SFI1: variants seen among roughly 807,000 people sequenced by gnomAD.
The protein encoded by SFI1 is protein SFI1 homolog.
A neutral mutation model predicts 207.5 loss-of-function variants in SFI1; 195 were observed. The ratio of observed to expected loss-of-function variants is 0.94; its 90% CI spans 0.84 to 1.06. The LOEUF (loss-of-function observed/expected upper bound fraction) is 1.06, where lower values mean the gene tolerates loss of function less well. SFI1 is among the 50% of genes least tolerant of loss of function. SFI1 has a pLI of 0.00. For synonymous variants in SFI1, 630 were observed against 598.9 expected (o/e 1.05, Z -0.76); for missense variants, 1,634 against 1,588.0 (o/e 1.03, Z -0.49).
In SFI1 at chr22:31,555,170, T is replaced by C. The variant is rs984912449; in HGVS notation, c.545-1772T>C. On this transcript the variant is annotated intron_variant, in intron 6 of 32. Coordinates refer to ENST00000400288, the MANE Select transcript of SFI1 (RefSeq NM_001007467.3). ...TAGTTACAGTGAATCTAGCTAGATA[T>C]TATGGAATAGAAGGAAAAAGTCACT... 3.3e-5 allele frequency among the ~76,000 whole-genome samples: 5 copies of C among 152,290 alleles called. No homozygotes were observed. The East Asian group carries it at 5.8e-4, about 18-fold the overall frequency.
At chr22:31,510,509 C>T (rs1442893148) in intron 2 of SFI1, among the ~76,000 whole-genome samples, 1 of 152,104 alleles carries the variant, frequency 6.6e-6, no homozygotes, top group Non-Finnish European at 1.5e-5. Context: ...TCTCAGCTCA[C>T]TGCAACCTCT....
At chr22:31,587,049 C>T (rs909535259) in intron 14 of SFI1, among the ~76,000 whole-genome samples, 1 of 152,122 alleles carries the variant, frequency 6.6e-6, no homozygotes, top group Non-Finnish European at 1.5e-5. Context: ...ATACAGTCAG[C>T]CCTCTGTATC....
rs796763335 is a variant in SFI1, at chr22:31,530,203, A to T, written c.267-855A>T. Among the ~76,000 whole-genome samples, 620 of 127,756 alleles carry T rather than the reference A, an allele frequency of 4.9e-3. 4 individuals carry two copies. The highest frequency in any genetic ancestry group is 0.029 in the Middle Eastern group (7 of 240). The allele number at this position is 127,756 out of a possible 152,430, so 83.8% of individuals were successfully genotyped here. A position where few individuals can be genotyped will look rare whatever the true frequency, so the allele number is the denominator to read the frequency against. ...AAAAAAAAAAAAAAAAAAAAAAAAA[A>T]GACAAGGCCGGGCGCGGTGGCTCAC... On this transcript the variant is annotated intron_variant, in intron 3 of 32. Transcript: ENST00000400288.
intron 18 of SFI1, among the ~76,000 whole-genome samples, chr22:31,604,035 C>T (rs781653612): frequency 2.0e-5 from 3 of 152,330 alleles, no homozygotes; most frequent in Non-Finnish European, 4.4e-5. Context: ...TTTGAACTTA[C>T]TGCATCTAAA....
rs1200280709 is a variant in SFI1, at chr22:31,613,155, G to A, written c.2504G>A (p.Arg835Lys). The change falls in exon 25 of 33, where the codon AGG becomes AAG. Residue 835 changes from arginine (R) to lysine (K), a missense_variant. Coordinates refer to ENST00000400288, the MANE Select transcript of SFI1 (RefSeq NM_001007467.3). The stretch of plus-strand genomic sequence containing the variant: ...TTCTGGCCCTAGCTGGCAGCCAGGA[G>A]GCAGGAGCAGCGGGCGACAGTGCGG... ...RQWRQQLAAR[R>K]QEQRATVRAL... 1 of 1,613,616 alleles carries A rather than the reference G, an allele frequency of 6.2e-7. No individual in the cohort carries two copies. The highest frequency in any genetic ancestry group is 8.5e-7 in the Non-Finnish European group (1 of 1,179,998).
At chr22:31,547,077 GT>G in intron 5 of SFI1, 106 bp downstream of exon 5, 1 of 818,780 alleles carries the variant, frequency 1.2e-6, no homozygotes, top group Non-Finnish European at 1.9e-6. Flanking sequence ...GTCACTTTTG[GT>G]TTTTCTTCAA....
At chr22:31,571,961 TAG>T (rs1197126612) in intron 8 of SFI1, among the ~76,000 whole-genome samples, 2 of 152,006 alleles carry the variant, frequency 1.3e-5, no homozygotes, top group Non-Finnish European at 2.9e-5. Context: ...CAAAAATCTA[TAG>T]AGAGTGAAAA....
intron 8 of SFI1, among the ~76,000 whole-genome samples, chr22:31,563,973 T>C (rs1490364013): frequency 6.6e-6 from 1 of 152,020 alleles, no homozygotes; most frequent in Non-Finnish European, 1.5e-5. Flanking sequence ...AATTTAAAAT[T>C]TAAAATTAAA....
intron 2 of SFI1, among the ~76,000 whole-genome samples, chr22:31,525,336 G>T (rs2147202741): frequency 6.6e-6 from 1 of 152,204 alleles, no homozygotes; most frequent in Non-Finnish European, 1.5e-5. Context: ...GAGAGGTGGG[G>T]AGTCTAGTTT....
At position 31,617,019 on chromosome 22, in the gene SFI1, T is replaced by C; in HGVS notation, c.3453T>C (p.Ala1151=). ...LSTAGSLDLE[A]ELEEIQQQLL... ...CCATAGGCAGCCTGGACCTTGAGGC[T>C]GAACTTGAGGAGATCCAGCAGCAAC... Residue 1151 remains alanine, a synonymous_variant, in exon 31 of 33, where the codon GCT becomes GCC. Transcript: ENST00000400288. 2 of 1,614,068 alleles carry C rather than the reference T, an allele frequency of 1.2e-6. No individual in the cohort carries two copies. The highest frequency in any genetic ancestry group is 1.7e-6 in the Non-Finnish European group (2 of 1,180,010).
At chr22:31,557,596 GCTTA>G (rs1359990519) in intron 7 of SFI1, among the ~76,000 whole-genome samples, 1 of 152,138 alleles carries the variant, frequency 6.6e-6, no homozygotes, top group African/African-American at 2.4e-5. Context: ...TGAATTGAGT[GCTTA>G]CTGTGTTCTA....
intron 14 of SFI1, among the ~76,000 whole-genome samples, chr22:31,586,603 C>T (rs2065057752): frequency 6.6e-6 from 1 of 152,210 alleles, no homozygotes; most frequent in Non-Finnish European, 1.5e-5. Context: ...GATTATGTTA[C>T]TGGCTTTGAA....
chr22:31,616,574 C>T (rs528936699), intron 29 of SFI1, 171 bp from the exon 30 acceptor site: 18 of 641,548 alleles, frequency 2.8e-5, no homozygotes, highest in Non-Finnish European at 4.7e-5. Context: ...TGTGCAGGGG[C>T]AGGCTAGACA....
chr22:31,614,876 C>T lies in SFI1; in HGVS notation c.3068+16C>T. 2 of 1,612,830 alleles carry T rather than the reference C, an allele frequency of 1.2e-6. No individual in the cohort carries two copies. The highest frequency in any genetic ancestry group is 8.5e-7 in the Non-Finnish European group (1 of 1,179,680). ...AGAGCCAGAGGTCCCTGGGGTGCAGCACCGTGGGCAGGCAGGGGGAGATGG... is the reference window on the plus strand; with the variant it reads ...AGAGCCAGAGGTCCCTGGGGTGCAGTACCGTGGGCAGGCAGGGGGAGATGG... On this transcript the variant is annotated intron_variant, in intron 28 of 32. Coordinates refer to ENST00000400288, the MANE Select transcript of SFI1 (RefSeq NM_001007467.3).
chr22:31,500,171 C>T lies in SFI1; in HGVS notation c.-31+3534C>T, dbSNP rs2053487614. 2.7e-5 allele frequency among the ~76,000 whole-genome samples: 4 copies of T among 149,390 alleles called. No individual in the cohort carries two copies. In the South Asian group the frequency reaches 6.3e-4, roughly 24 times the overall value. On this transcript the variant is annotated intron_variant, in intron 1 of 32. Coordinates refer to ENST00000400288, the MANE Select transcript of SFI1 (RefSeq NM_001007467.3). Reference sequence around the variant, plus strand: ...CTGACTCTACTAAGAATATAAAAGCCAGTTGTGGTGGCGGGCACCTGTAAT... The same window carrying T: ...CTGACTCTACTAAGAATATAAAAGCTAGTTGTGGTGGCGGGCACCTGTAAT...
chr22:31,545,279 C>T (rs562718480), intron 4 of SFI1, among the ~76,000 whole-genome samples: 14 of 152,048 alleles, frequency 9.2e-5, no homozygotes, highest in African/African-American at 2.9e-4. Flanking sequence ...TCAGGGAAAT[C>T]GCTTGAAGCC....
rs745566257 is a variant in SFI1 at position 31,618,163 on chromosome 22, C to CAGAG, written c.3564_3567dup (p.Glu1190ArgfsTer6). 1 of 1,592,888 alleles carries CAGAG rather than the reference C, an allele frequency of 6.3e-7. No individual in the cohort carries two copies. The highest frequency in any genetic ancestry group is 8.5e-7 in the Non-Finnish European group (1 of 1,171,870). ...GCCTGCGCAGGTGGCTGGAGCTGAA[C>CAGAG]AGAGAGGAGCCGGGGCCTGAGGACC... On this transcript the variant is annotated frameshift_variant, in exon 32 of 33. Transcript: ENST00000400288. LOFTEE classifies it high-confidence loss of function.
chr22:31,578,446 C>T lies in SFI1; in HGVS notation c.1149C>T (p.Ser383=). 1 of 1,613,256 alleles carries T rather than the reference C, an allele frequency of 6.2e-7. No individual in the cohort carries two copies. The highest frequency in any genetic ancestry group is 8.5e-7 in the Non-Finnish European group (1 of 1,179,488). Residue 383 remains serine, a synonymous_variant, in exon 11 of 33, where the codon AGC becomes AGT. Transcript: ENST00000400288. ...TGGCAGAAGAGCACCACAGGCACAG[C>T]CAGCTGGTAAGAGCCCTGCATCCTG... The part of the protein sequence containing the change: ...FEMAEEHHRH[S]QLYFCFRALK...
At chr22:31,542,219 T>G (rs903913506) in intron 4 of SFI1, among the ~76,000 whole-genome samples, 4 of 151,548 alleles carry the variant, frequency 2.6e-5, no homozygotes, top group African/African-American at 7.3e-5. Flanking sequence ...CTTTTCAGGC[T>G]TTTAATGTGT....
Sources: allele counts gnomAD v4.1 joint callset (sites outside exome capture counted in the v4.1 genomes callset), GRCh38; gene constraint gnomAD v4.1.1; transcripts MANE v1.5; gene names NCBI Gene and HGNC (gene_info 2026-07-23, HGNC 2026-07-21).